The following RAP1GAP variants were observed in gnomAD, a reference collection of about 807,000 sequenced individuals.
The protein encoded by RAP1GAP is RAP1 GTPase activating protein, also known as rap1 GTPase-activating protein 1.
Under a neutral mutation model 87.2 loss-of-function variants are expected in RAP1GAP, and 35 were observed. The observed-to-expected ratio is 0.40, with a 90% CI of 0.31 to 0.53. RAP1GAP has a LOEUF of 0.53. RAP1GAP is among the 20% of genes least tolerant of loss of function. The probability of loss-of-function intolerance (pLI) is 0.48; values close to 1 mark genes in which losing one functional copy is unlikely to be tolerated. For synonymous variants in RAP1GAP, 375 were observed against 363.9 expected, an observed-to-expected ratio of 1.03 and a Z score of -0.35; for missense variants, 734 against 898.9, an observed-to-expected ratio of 0.82 and a Z score of 2.35.
Position 21,669,048 on chromosome 1 carries a change from C to T in RAP1GAP, c.-149+206G>A, listed in dbSNP as rs955330741. ...AGCCGGCTCAGTCCAGGCCTCCCCC[C>T]ACTTCTCCAGCTGCTGTCAAGACCG... On this transcript the variant is annotated intron_variant, in intron 1 of 24. Transcript: ENST00000374765. The surrounding 1 kb of genome is among the most constrained non-coding windows in gnomAD (Gnocchi z 5.6). Among the ~76,000 whole-genome samples, 2 of 151,968 alleles carry T rather than the reference C, an allele frequency of 1.3e-5. No individual in the cohort carries two copies. The highest frequency in any genetic ancestry group is 2.9e-5 in the Non-Finnish European group (2 of 67,916).
intron 2 of RAP1GAP, among the ~76,000 whole-genome samples, 161 bp downstream of exon 2, chr1:21,649,600 T>G (rs937870114): frequency 3.3e-5 from 5 of 152,114 alleles, no homozygotes; most frequent in African/African-American, 1.2e-4. Context: ...AAAAAAGTAC[T>G]CTGGGGACAG....
At chr1:21,610,768 C>T (rs1440467590) in intron 13 of RAP1GAP, among the ~76,000 whole-genome samples, 1 of 152,198 alleles carries the variant, frequency 6.6e-6, no homozygotes, top group Non-Finnish European at 1.5e-5. Context: ...ATTGAATAAA[C>T]AAGCTCAACT....
At chr1:21,624,745 TG>T (rs2091068632) in intron 3 of RAP1GAP, among the ~76,000 whole-genome samples, 1 of 152,180 alleles carries the variant, frequency 6.6e-6, no homozygotes, top group African/African-American at 2.4e-5. Context: ...CTAGCCAGAC[TG>T]GGTGGAAGCC....
At chr1:21,619,514 C>T (rs863803) in intron 4 of RAP1GAP, among the ~76,000 whole-genome samples, 115,380 of 151,936 alleles carry the variant, frequency 0.76, 44,750 homozygotes, top group East Asian at 0.97. Flanking sequence ...AGAGGGTATT[C>T]AAGGCACTCC....
At chr1:21,660,833 T>C (rs2097129114) in intron 1 of RAP1GAP, among the ~76,000 whole-genome samples, 1 of 152,094 alleles carries the variant, frequency 6.6e-6, no homozygotes, top group South Asian at 2.1e-4. Flanking sequence ...TTCTTTGGGA[T>C]ACACAAAGCC....
Position 21,599,570 on chromosome 1 carries a change from C to T in RAP1GAP, c.1700G>A (p.Arg567His), listed in dbSNP as rs61014678. The T allele has an allele frequency of 3.2e-4, 520 of 1,608,980 alleles. 5 individuals carry two copies. The East Asian group carries it at 9.4e-3, about 29-fold the overall frequency. ...GAAGCTGCTGGCACTGGACGAGGAG[C>T]GGGAGAAGTCCTTGAGCGCCTCTGC... ...QRAEALKDFS[R>H]SSSSASSFAS... The change falls in exon 21 of 25, where the codon CGC (arginine) becomes CAC (histidine). Residue 567 changes from arginine (R) to histidine (H), a missense_variant. Arg to His is a conservative substitution (Grantham distance 29). Coordinates refer to ENST00000374765, the MANE Select transcript of RAP1GAP (RefSeq NM_002885.4).
intron 2 of RAP1GAP, among the ~76,000 whole-genome samples, chr1:21,632,498 A>G (rs2093957068): frequency 6.6e-6 from 1 of 152,176 alleles, no homozygotes; most frequent in African/African-American, 2.4e-5. Context: ...TGAAAACACG[A>G]CCTCAAAGTC....
At chr1:21,619,327 G>C (rs956105198) in intron 4 of RAP1GAP, among the ~76,000 whole-genome samples, 6 of 152,232 alleles carry the variant, frequency 3.9e-5, no homozygotes, top group Non-Finnish European at 7.4e-5. Context: ...CGCTGGGAGT[G>C]GGGGCAGGGG....
chr1:21,616,186 CACACAT>C (rs2082041646), intron 7 of RAP1GAP, among the ~76,000 whole-genome samples: 4 of 101,000 alleles, frequency 4.0e-5, no homozygotes, highest in Non-Finnish European at 6.1e-5. Flanking sequence ...CACACACACA[CACACAT>C]ACAATGACTA....
At chr1:21,657,757 GCTCTGCTGGCAACCCAC>G (rs1315274751) in intron 1 of RAP1GAP, among the ~76,000 whole-genome samples, 2 of 152,208 alleles carry the variant, frequency 1.3e-5, no homozygotes, top group African/African-American at 4.8e-5. Flanking sequence ...TGTGGCCCCA[GCTCTGCTGGCAACCCAC>G]CATTTCTCAT....
intron 2 of RAP1GAP, among the ~76,000 whole-genome samples, chr1:21,630,012 C>T (rs1409127642): frequency 1.3e-5 from 2 of 152,244 alleles, no homozygotes; most frequent in African/African-American, 2.4e-5. Flanking sequence ...ACAACAGCAA[C>T]GGCCGACACA....
chr1:21,608,375 G>C (rs1297503175), intron 16 of RAP1GAP, 25 bp from the exon 17 acceptor site: 1 of 1,606,506 alleles, frequency 6.2e-7, no homozygotes, highest in Admixed American at 1.7e-5. Context: ...CGGGCCGTCA[G>C]GAGGGACCCC....
In RAP1GAP at chr1:21,669,265, G is replaced by T; in HGVS notation, c.-160C>A. 1 of 1,233,540 alleles carries T rather than the reference G, an allele frequency of 8.1e-7. No individual in the cohort carries two copies. Among genetic ancestry groups the T allele is most frequent in the Non-Finnish European group, 1.0e-6 (1 of 966,242 alleles). The allele number at this position is 1,233,540 out of a possible 1,614,324, so 76.4% of individuals were successfully genotyped here. On this transcript the variant is annotated 5_prime_UTR_variant, in exon 1 of 25. Coordinates refer to ENST00000374765, the MANE Select transcript of RAP1GAP (RefSeq NM_002885.4). The surrounding 1 kb of genome is among the most constrained non-coding windows in gnomAD (Gnocchi z 5.6). ...CGGGGCGCACTCACCCAAGGGCCTG[G>T]GCCGGGGGCGTCCTGGGCTCGGCAC...
chr1:21,604,056 G>A (rs1035140019), intron 18 of RAP1GAP: 13 of 658,472 alleles, frequency 2.0e-5, no homozygotes, highest in Non-Finnish European at 3.3e-5. Context: ...GAACGGTGCA[G>A]GAGGCAATGG....
rs2150061477 is a variant in RAP1GAP, at chr1:21,622,742, G to A, written c.-18-2692C>T. ...TTTGGGTGCGTCGGGCTCCCCGAGGGGGCCCCCCACTCGGTTCTCCCCAGC... is the reference window on the plus strand; with the variant it reads ...TTTGGGTGCGTCGGGCTCCCCGAGGAGGCCCCCCACTCGGTTCTCCCCAGC... On this transcript the variant is annotated intron_variant, in intron 3 of 24. Transcript: ENST00000374765. The surrounding 1 kb of genome is among the most constrained non-coding windows in gnomAD (Gnocchi z 5.7). Among the ~76,000 whole-genome samples the A allele has an allele frequency of 6.6e-6, 1 of 151,898 alleles. No homozygotes were observed. The highest frequency in any genetic ancestry group is 2.4e-5 in the African/African-American group (1 of 41,530).
At chr1:21,598,974 G>C (rs1350934276) in intron 21 of RAP1GAP, among the ~76,000 whole-genome samples, 1 of 152,274 alleles carries the variant, frequency 6.6e-6, no homozygotes, top group Non-Finnish European at 1.5e-5. Context: ...GATAAAGGGT[G>C]TTCCGGGCAA....
chr1:21,618,051 G>T (rs1472322780), intron 5 of RAP1GAP, 79 bp from the exon 6 acceptor site: 1 of 1,572,578 alleles, frequency 6.4e-7, no homozygotes, highest in Non-Finnish European at 8.8e-7. Context: ...TGCTTGGCCA[G>T]CCTCAGGGCT....
intron 2 of RAP1GAP, among the ~76,000 whole-genome samples, chr1:21,640,885 G>C (rs575702682): frequency 6.6e-6 from 1 of 152,036 alleles, no homozygotes; most frequent in African/African-American, 2.4e-5. Flanking sequence ...CCACCCCACC[G>C]GGCCTGTCTT....
chr1:21,629,540 C>T (rs963130192), intron 2 of RAP1GAP, among the ~76,000 whole-genome samples: 1 of 152,272 alleles, frequency 6.6e-6, no homozygotes, highest in Non-Finnish European at 1.5e-5. Context: ...AGTCCTGTCC[C>T]CCGAAGGCAA....
Sources: allele counts gnomAD v4.1 joint callset (sites outside exome capture counted in the v4.1 genomes callset), GRCh38; gene constraint gnomAD v4.1.1; non-coding constraint Gnocchi (gnomAD v3.1); transcripts MANE v1.5; gene names NCBI Gene and HGNC (gene_info 2026-07-23, HGNC 2026-07-21).